RASGEF1A: variants seen among roughly 807,000 people sequenced by gnomAD.
RASGEF1A encodes ras-GEF domain-containing family member 1A.
In RASGEF1A, 18 loss-of-function variants were observed where a neutral mutation model predicts 56.4. That is an observed-to-expected ratio of 0.32 (90% CI 0.22 to 0.47). RASGEF1A has a LOEUF of 0.47. Among genes scored for constraint, RASGEF1A ranks in the 20% least tolerant of loss-of-function variants. RASGEF1A has a pLI of 1.00. For missense variants in RASGEF1A, 422 were observed against 627.1 expected, an observed-to-expected ratio of 0.67 and a Z score of 3.49; for synonymous variants, 245 against 242.6, an observed-to-expected ratio of 1.01 and a Z score of -0.09.
intron 1 of RASGEF1A, among the ~76,000 whole-genome samples, chr10:43,253,490 T>C (rs537254778): frequency 1.3e-5 from 2 of 152,330 alleles, no homozygotes; most frequent in South Asian, 2.1e-4. Context: ...GGTGGGCCCA[T>C]TGTATTCACA....
At chr10:43,208,453 G>C in intron 1 of RASGEF1A, 1 of 985,654 alleles carries the variant, frequency 1.0e-6, no homozygotes, top group Non-Finnish European at 1.2e-6. Flanking sequence ...CAGCCCACTG[G>C]TCAGCAGCCA....
chr10:43,206,988 C>G (rs79590087), intron 1 of RASGEF1A: 55,432 of 985,454 alleles, frequency 0.056, 1,642 homozygotes, highest in South Asian at 0.093. Context: ...AGGGTCTCAC[C>G]ACACCCTGCA....
chr10:43,228,244 C>T (rs879682543), intron 1 of RASGEF1A, among the ~76,000 whole-genome samples: 1 of 152,200 alleles, frequency 6.6e-6, no homozygotes. Context: ...GTATGCCCCC[C>T]GCATAGCTCC....
intron 1 of RASGEF1A, among the ~76,000 whole-genome samples, chr10:43,242,352 TC>T (rs1840511803): frequency 6.6e-6 from 1 of 151,378 alleles, no homozygotes; most frequent in Non-Finnish European, 1.5e-5. Context: ...AACAACAGAG[TC>T]CCAAAATTCA....
chr10:43,197,210 C>T (rs1839812515), intron 10 of RASGEF1A, 111 bp from the exon 11 acceptor site: 2 of 1,292,198 alleles, frequency 1.5e-6, no homozygotes, highest in Non-Finnish European at 2.1e-6. Context: ...TTCACTGGTC[C>T]CAGCAAGATG....
rs1206637125 is a variant in RASGEF1A at position 43,195,254 on chromosome 10, C to T, written c.*990G>A. 6.6e-6 allele frequency: 1 copy of T among 152,256 alleles called. No individual in the cohort carries two copies. Among genetic ancestry groups the T allele is most frequent in the African/African-American group, 2.4e-5 (1 of 41,440 alleles). The allele number at this position is 152,256 out of a possible 1,614,324, so 9.4% of individuals were successfully genotyped here. ...CTCTAGCTGGGTGTAGAAAACACCT[C>T]TCAGTATTGGGCAGTTTTATCTGAA... On this transcript the variant is annotated 3_prime_UTR_variant, in exon 13 of 13. Transcript: ENST00000395810. This position sits in a 1 kb window ranked among gnomAD's most constrained non-coding sequence, Gnocchi z 4.2.
At chr10:43,248,712 TTTC>T (rs1434208212) in intron 1 of RASGEF1A, among the ~76,000 whole-genome samples, 1 of 152,240 alleles carries the variant, frequency 6.6e-6, no homozygotes, top group Non-Finnish European at 1.5e-5. Flanking sequence ...TGTAGATTTT[TTTC>T]TTATTCATTT....
At chr10:43,228,902 T>A (rs2097888422) in intron 1 of RASGEF1A, among the ~76,000 whole-genome samples, 2 of 152,074 alleles carry the variant, frequency 1.3e-5, no homozygotes, top group Non-Finnish European at 2.9e-5. Flanking sequence ...GACAGATGAG[T>A]CCTGCATCTT....
intron 1 of RASGEF1A, among the ~76,000 whole-genome samples, chr10:43,235,552 C>CA (rs1379279078): frequency 2.0e-5 from 3 of 152,210 alleles, no homozygotes; most frequent in African/African-American, 7.2e-5. Flanking sequence ...AACCTGACCA[C>CA]ACTGCCCAGG....
intron 1 of RASGEF1A, among the ~76,000 whole-genome samples, chr10:43,217,024 C>T (rs1373203332): frequency 6.6e-6 from 1 of 152,174 alleles, no homozygotes; most frequent in Non-Finnish European, 1.5e-5. Flanking sequence ...GTAAAAAGAG[C>T]CCTCCGGGAT....
chr10:43,206,410 T>C (rs573916232), intron 1 of RASGEF1A, among the ~76,000 whole-genome samples: 246 of 152,220 alleles, frequency 1.6e-3, no homozygotes, highest in Non-Finnish European at 2.4e-3. Flanking sequence ...CTGGGAAAAA[T>C]GTCCAAGAAG....
chr10:43,236,301 G>A (rs1048680046), intron 1 of RASGEF1A, among the ~76,000 whole-genome samples: 6 of 152,222 alleles, frequency 3.9e-5, no homozygotes, highest in African/African-American at 1.4e-4. Context: ...AGGGCACCGC[G>A]CATCCATGTG....
intron 1 of RASGEF1A, among the ~76,000 whole-genome samples, chr10:43,257,472 C>T (rs1320450958): frequency 6.6e-6 from 1 of 152,204 alleles, no homozygotes; most frequent in African/African-American, 2.4e-5. Flanking sequence ...CTGGGCCTGC[C>T]TCTGCCGCCT....
chr10:43,198,094 G>A lies in RASGEF1A; in HGVS notation c.1134C>T (p.Val378=). The A allele has an allele frequency of 1.9e-6, 3 of 1,614,202 alleles. No homozygotes were observed. Among genetic ancestry groups the A allele is most frequent in the Non-Finnish European group, 2.5e-6 (3 of 1,179,996 alleles). The change falls in exon 10 of 13, where the codon GTC becomes GTT. Residue 378 remains valine, a synonymous_variant. Coordinates refer to ENST00000395810, the MANE Select transcript of RASGEF1A (RefSeq NM_145313.4). ...QMANSSREKI[V]IPVFNLFVKD... is the part of the protein sequence containing the mutation. ...TAACGAAGAGGTTGAACACAGGGAT[G>A]ACGATCTTTTCACGGCTGCTGTTGG...
intron 1 of RASGEF1A, among the ~76,000 whole-genome samples, chr10:43,225,493 G>C (rs1271727996): frequency 3.3e-5 from 5 of 151,836 alleles, no homozygotes; most frequent in Admixed American, 1.3e-4. Context: ...CTGTGTCTGT[G>C]TCTCTGCATG....
Position 43,198,072 on chromosome 10 carries a change from C to T in RASGEF1A, c.1156G>A (p.Val386Ile), listed in dbSNP as rs138913845. ...TTGTGCAGGAAGTAGATGTCCTTAA[C>T]GAAGAGGTTGAACACAGGGATGACG... is the stretch of plus-strand genomic sequence containing the variant. ...KIVIPVFNLF[V>I]KDIYFLHKIH... Residue 386 changes from valine to isoleucine, a missense_variant, in exon 10 of 13, where the codon GTT (valine) becomes ATT (isoleucine). Val to Ile is a conservative substitution (Grantham distance 29). This residue lies in a region of RASGEF1A where 149 missense variants were observed against 287.2 expected (regional missense o/e 0.52). Transcript: ENST00000395810. The T allele has an allele frequency of 1.2e-5, 19 of 1,614,080 alleles. No homozygotes were observed. The highest frequency in any genetic ancestry group is 9.3e-5 in the African/African-American group (7 of 74,954).
At chr10:43,230,432 C>T (rs1840350794) in intron 1 of RASGEF1A, among the ~76,000 whole-genome samples, 1 of 152,104 alleles carries the variant, frequency 6.6e-6, no homozygotes, top group Admixed American at 6.5e-5. Flanking sequence ...TGGGGCTACC[C>T]CTCTGCGCAT....
intron 1 of RASGEF1A, among the ~76,000 whole-genome samples, chr10:43,258,377 C>T (rs1836464271): frequency 1.3e-5 from 2 of 152,190 alleles, no homozygotes; most frequent in Non-Finnish European, 2.9e-5. Flanking sequence ...CCTAATATGG[C>T]AGCAGGAGGG....
chr10:43,200,941 C>G, intron 4 of RASGEF1A, 53 bp from the exon 5 acceptor site: 1 of 1,518,198 alleles, frequency 6.6e-7, no homozygotes, highest in Admixed American at 1.7e-5. Flanking sequence ...GCAAGGCCAC[C>G]ACCACTGTGG....
Sources: gnomAD v4.1 joint callset for allele counts (sites outside exome capture counted in the v4.1 genomes callset) on GRCh38, gnomAD v4.1.1 for gene constraint, gnomAD v4.1.1 regional missense constraint, Gnocchi (gnomAD v3.1) non-coding constraint, MANE v1.5 for transcripts, NCBI Gene and HGNC (gene_info 2026-07-23, HGNC 2026-07-21) for gene names.